The following CNTNAP2 variants were observed in gnomAD, a reference collection of about 807,000 sequenced individuals.
CNTNAP2 encodes the protein contactin associated protein 2, also known as contactin-associated protein-like 2.
Under a neutral mutation model 155.2 loss-of-function variants are expected in CNTNAP2, and 98 were observed. That is an observed-to-expected ratio of 0.63 (90% CI 0.54 to 0.75). The LOEUF (loss-of-function observed/expected upper bound fraction) is 0.75, where lower values mean the gene tolerates loss of function less well. Among genes scored for constraint, CNTNAP2 ranks in the 30% least tolerant of loss-of-function variants. The probability of loss-of-function intolerance (pLI) is 0.00; values close to 1 mark genes in which losing one functional copy is unlikely to be tolerated. For synonymous variants in CNTNAP2, 651 were observed against 631.2 expected (o/e 1.03, Z -0.47); for missense variants, 1,727 against 1,688.1 (o/e 1.02, Z -0.40).
intron 16 of CNTNAP2, among the ~76,000 whole-genome samples, chr7:148,121,332 C>T (rs1226461910): frequency 6.6e-6 from 1 of 152,150 alleles, no homozygotes. Context: ...CACGCCTGGC[C>T]GCTGATCATA....
At chr7:147,412,143 T>G (rs1432475667) in intron 10 of CNTNAP2, among the ~76,000 whole-genome samples, 4 of 152,176 alleles carry the variant, frequency 2.6e-5, no homozygotes, top group Non-Finnish European at 5.9e-5. Context: ...TCGAAATTCA[T>G]CAGTAACTTC....
chr7:147,941,694 G>A (rs752030239), intron 14 of CNTNAP2, among the ~76,000 whole-genome samples: 1 of 152,126 alleles, frequency 6.6e-6, no homozygotes, highest in Admixed American at 6.5e-5. Context: ...TTTTTAATGA[G>A]TCCAAATGTG....
chr7:147,720,922 GC>G, intron 13 of CNTNAP2, among the ~76,000 whole-genome samples: 1 of 152,090 alleles, frequency 6.6e-6, no homozygotes, highest in Non-Finnish European at 1.5e-5. Flanking sequence ...CTAGCCCACA[GC>G]CTGTGAGTTA....
At chr7:147,116,299 T>A (rs1174650312) in intron 5 of CNTNAP2, among the ~76,000 whole-genome samples, 1 of 152,118 alleles carries the variant, frequency 6.6e-6, no homozygotes, top group African/African-American at 2.4e-5. Context: ...TCAGGAGGAA[T>A]GAGGTCAGGG....
intron 1 of CNTNAP2, among the ~76,000 whole-genome samples, chr7:146,282,997 C>T (rs1433137669): frequency 6.6e-6 from 1 of 152,126 alleles, no homozygotes; most frequent in African/African-American, 2.4e-5. Context: ...ATTTATAAAA[C>T]GCTGTGTCCT....
intron 3 of CNTNAP2, among the ~76,000 whole-genome samples, chr7:146,864,626 C>T (rs1402145539): frequency 6.6e-6 from 1 of 151,930 alleles, no homozygotes; most frequent in African/African-American, 2.4e-5. Context: ...AAGAAGTAGG[C>T]CTGTCTGTGT....
At chr7:147,265,131 C>G (rs931406227) in intron 8 of CNTNAP2, among the ~76,000 whole-genome samples, 2 of 152,276 alleles carry the variant, frequency 1.3e-5, no homozygotes, top group South Asian at 2.1e-4. Context: ...TAGCTCCTGA[C>G]AAGCAGGGCT....
intron 3 of CNTNAP2, among the ~76,000 whole-genome samples, chr7:146,910,591 T>A (rs1490249410): frequency 1.3e-5 from 2 of 151,100 alleles, no homozygotes. Flanking sequence ...CTGGGAAAAC[T>A]GGCTAGCCAT....
chr7:147,349,997 AT>A (rs1339489255), intron 9 of CNTNAP2, among the ~76,000 whole-genome samples: 1 of 151,746 alleles, frequency 6.6e-6, no homozygotes, highest in Non-Finnish European at 1.5e-5. Context: ...TTATTGCAAT[AT>A]TTTTTGCATG....
chr7:147,531,895 C>T (rs1276316663), intron 11 of CNTNAP2, among the ~76,000 whole-genome samples: 1 of 150,814 alleles, frequency 6.6e-6, no homozygotes, highest in Non-Finnish European at 1.5e-5. Flanking sequence ...CAAGCTTCAA[C>T]TCCTGGGTTC....
At chr7:148,098,901 GGT>G in intron 15 of CNTNAP2, among the ~76,000 whole-genome samples, 1 of 152,208 alleles carries the variant, frequency 6.6e-6, no homozygotes, top group South Asian at 2.1e-4. Context: ...ATCTGTTTCA[GGT>G]GCCAGGGAAG....
intron 17 of CNTNAP2, among the ~76,000 whole-genome samples, chr7:148,157,253 T>G (rs1366537538): frequency 6.6e-6 from 1 of 152,214 alleles, no homozygotes; most frequent in African/African-American, 2.4e-5. Context: ...TGAATACGTT[T>G]ATTTATGTGT....
chr7:148,234,885 G>A (rs188362562), intron 20 of CNTNAP2, among the ~76,000 whole-genome samples: 1 of 152,278 alleles, frequency 6.6e-6, no homozygotes, highest in Non-Finnish European at 1.5e-5. Flanking sequence ...ACAGATACTC[G>A]GAATCCATAT....
chr7:146,431,099 T>C (rs2129116932), intron 1 of CNTNAP2, among the ~76,000 whole-genome samples: 1 of 151,996 alleles, frequency 6.6e-6, no homozygotes, highest in Middle Eastern at 3.4e-3. Context: ...CAAGAGGAGG[T>C]AAAAGTTTGT....
At chr7:147,674,108 A>G (rs1404114715) in intron 13 of CNTNAP2, among the ~76,000 whole-genome samples, 3 of 152,130 alleles carry the variant, frequency 2.0e-5, no homozygotes, top group Non-Finnish European at 4.4e-5. Context: ...AGGAAATTTC[A>G]AACTGTGGAA....
intron 19 of CNTNAP2, among the ~76,000 whole-genome samples, chr7:148,229,340 A>G (rs1192143173): frequency 6.6e-6 from 1 of 152,184 alleles, no homozygotes; most frequent in Non-Finnish European, 1.5e-5. Flanking sequence ...CCTGGCCAGC[A>G]TGGTGAAACC....
chr7:148,364,218 C>T (rs964173450), intron 21 of CNTNAP2, among the ~76,000 whole-genome samples: 23 of 152,344 alleles, frequency 1.5e-4, no homozygotes, highest in African/African-American at 4.8e-4. Flanking sequence ...GACTGGCGGG[C>T]AGCTCCACCT....
intron 2 of CNTNAP2, among the ~76,000 whole-genome samples, chr7:146,779,871 C>T (rs1802452694): frequency 6.6e-6 from 1 of 152,192 alleles, no homozygotes; most frequent in South Asian, 2.1e-4. Flanking sequence ...AATTAATAAT[C>T]ACTTATCAAA....
intron 3 of CNTNAP2, among the ~76,000 whole-genome samples, chr7:146,964,788 A>G (rs1004924332): frequency 6.6e-6 from 1 of 151,636 alleles, no homozygotes; most frequent in Non-Finnish European, 1.5e-5. Flanking sequence ...CTGTCTCTAT[A>G]TTCAAATCTG....
Sources: allele counts gnomAD v4.1 joint callset (sites outside exome capture counted in the v4.1 genomes callset), GRCh38; gene constraint gnomAD v4.1.1; transcripts MANE v1.5; gene names NCBI Gene and HGNC (gene_info 2026-07-23, HGNC 2026-07-21).